Variants in NDST4 observed in about 807,000 individuals in gnomAD.
NDST4 encodes the protein N-heparan sulfate sulfotransferase 4.
A neutral mutation model predicts 100.8 loss-of-function variants in NDST4; 63 were observed. The ratio of observed to expected loss-of-function variants is 0.62; its 90% CI spans 0.51 to 0.77. The LOEUF is 0.77. NDST4 is among the 30% of genes least tolerant of loss of function. The probability of loss-of-function intolerance (pLI) is 0.00; values close to 1 mark genes in which losing one functional copy is unlikely to be tolerated. For missense variants in NDST4, 943 were observed against 1,018.4 expected (o/e 0.93, Z 1.01); for synonymous variants, 377 against 361.8 (o/e 1.04, Z -0.48).
intron 6 of NDST4, among the ~76,000 whole-genome samples, chr4:114,892,368 T>C (rs528790513): frequency 6.6e-6 from 1 of 152,284 alleles, no homozygotes; most frequent in South Asian, 2.1e-4. Flanking sequence ...ATATATACTG[T>C]GCATGCAGAA....
chr4:114,857,788 G>A (rs937685667), intron 7 of NDST4, among the ~76,000 whole-genome samples: 4 of 152,166 alleles, frequency 2.6e-5, no homozygotes, highest in African/African-American at 9.7e-5. Context: ...TGAATAAATG[G>A]CATAGGATGG....
intron 2 of NDST4, among the ~76,000 whole-genome samples, chr4:114,993,432 T>C (rs1727083686): frequency 6.6e-6 from 1 of 151,880 alleles, no homozygotes; most frequent in Admixed American, 6.6e-5. Flanking sequence ...GTTATAGAGG[T>C]AGTGCTGGGT....
At chr4:114,931,205 A>G (rs1388838040) in intron 6 of NDST4, among the ~76,000 whole-genome samples, 1 of 151,610 alleles carries the variant, frequency 6.6e-6, no homozygotes, top group Non-Finnish European at 1.5e-5. Context: ...ATGAGATATT[A>G]TATAATATTT....
At chr4:114,956,715 C>T (rs990103878) in intron 4 of NDST4, among the ~76,000 whole-genome samples, 4 of 151,996 alleles carry the variant, frequency 2.6e-5, no homozygotes, top group African/African-American at 4.8e-5. Context: ...TGACTATGTT[C>T]CCTATGAGGA....
At chr4:115,013,848 C>T (rs1727615286) in intron 2 of NDST4, among the ~76,000 whole-genome samples, 1 of 151,994 alleles carries the variant, frequency 6.6e-6, no homozygotes, top group Admixed American at 6.6e-5. Context: ...AGTAGTATAT[C>T]ATAAGCAATT....
At chr4:115,078,520 C>T (rs562606505) in intron 1 of NDST4, among the ~76,000 whole-genome samples, 1 of 152,176 alleles carries the variant, frequency 6.6e-6, no homozygotes, top group Admixed American at 6.5e-5. Flanking sequence ...TGTGCCCCTG[C>T]CCTGTGGATC....
chr4:115,108,120 G>T (rs1428352232), intron 1 of NDST4, among the ~76,000 whole-genome samples: 1 of 152,048 alleles, frequency 6.6e-6, no homozygotes, highest in Non-Finnish European at 1.5e-5. Flanking sequence ...TTTAAATTCT[G>T]ATTCTAATTA....
At chr4:115,020,083 TGAA>T (rs1560862601) in intron 2 of NDST4, among the ~76,000 whole-genome samples, 1 of 151,994 alleles carries the variant, frequency 6.6e-6, no homozygotes, top group African/African-American at 2.4e-5. Context: ...TAGAAGAATT[TGAA>T]GAAGTAACTT....
intron 2 of NDST4, among the ~76,000 whole-genome samples, chr4:115,007,499 A>T (rs1011107254): frequency 6.6e-6 from 1 of 152,174 alleles, no homozygotes; most frequent in Admixed American, 6.6e-5. Context: ...GTAATGATAC[A>T]TGTGGATTAA....
At chr4:115,031,087 CA>C (rs1160460939) in intron 2 of NDST4, among the ~76,000 whole-genome samples, 1 of 152,018 alleles carries the variant, frequency 6.6e-6, no homozygotes, top group African/African-American at 2.4e-5. Context: ...GTTTAATTTT[CA>C]GGGATTAAAA....
intron 6 of NDST4, among the ~76,000 whole-genome samples, chr4:114,906,034 G>A (rs551050790): frequency 2.0e-5 from 3 of 152,028 alleles, no homozygotes; most frequent in East Asian, 3.9e-4. Flanking sequence ...GTGGTGGAAC[G>A]GCAGCTTCAG....
rs146878084 is a variant in NDST4 at position 114,939,991 on chromosome 4, G to C, written c.1222-2488C>G. Reference sequence around the variant, plus strand: ...TTGTCCAGGGCTTAAAACCTACTTCGCAGAGACTTGGCCAACTAGAAAATC... The same window carrying C: ...TTGTCCAGGGCTTAAAACCTACTTCCCAGAGACTTGGCCAACTAGAAAATC... On this transcript the variant is annotated intron_variant, in intron 4 of 13. Coordinates refer to ENST00000264363, the MANE Select transcript of NDST4 (RefSeq NM_022569.3). 3.2e-4 allele frequency among the ~76,000 whole-genome samples: 48 copies of C among 152,116 alleles called. 1 individual carries two copies. In the East Asian group the frequency reaches 8.7e-3, roughly 28 times the overall value.
chr4:115,027,781 C>G (rs775962217), intron 2 of NDST4, among the ~76,000 whole-genome samples: 8 of 152,082 alleles, frequency 5.3e-5, no homozygotes, highest in Non-Finnish European at 1.5e-5. Flanking sequence ...CGGCCACGAG[C>G]TTTGTCTTAC....
At chr4:114,837,096 A>G (rs999171053) in intron 11 of NDST4, among the ~76,000 whole-genome samples, 2 of 151,980 alleles carry the variant, frequency 1.3e-5, no homozygotes, top group Non-Finnish European at 2.9e-5. Context: ...GTTATTATCC[A>G]CCTTCTGAAG....
intron 6 of NDST4, among the ~76,000 whole-genome samples, chr4:114,900,933 C>T (rs1050166371): frequency 6.6e-6 from 1 of 152,020 alleles, no homozygotes; most frequent in Non-Finnish European, 1.5e-5. Flanking sequence ...TGTTAATCTC[C>T]AAACATTTTG....
chr4:115,051,642 A>G (rs542490204), intron 2 of NDST4, among the ~76,000 whole-genome samples: 16 of 152,086 alleles, frequency 1.1e-4, no homozygotes, highest in African/African-American at 3.4e-4. Context: ...TATGTAGCAC[A>G]TTTTCTTTAA....
chr4:114,927,793 G>T (rs1018337590), intron 6 of NDST4, among the ~76,000 whole-genome samples: 1 of 152,042 alleles, frequency 6.6e-6, no homozygotes, highest in African/African-American at 2.4e-5. Flanking sequence ...TTAAAGTATA[G>T]ATGATTAATG....
chr4:114,854,725 C>T (rs1490997661), intron 7 of NDST4, among the ~76,000 whole-genome samples: 3 of 152,168 alleles, frequency 2.0e-5, no homozygotes, highest in African/African-American at 4.8e-5. Context: ...ACCTCAGCCT[C>T]CCAAAGTGCT....
At chr4:114,958,977 A>G (rs1726200554) in intron 4 of NDST4, among the ~76,000 whole-genome samples, 1 of 152,158 alleles carries the variant, frequency 6.6e-6, no homozygotes, top group South Asian at 2.1e-4. Context: ...TTCTTCCACC[A>G]GAGACCCTAA....
Sources: gnomAD v4.1 joint callset for allele counts (sites outside exome capture counted in the v4.1 genomes callset) on GRCh38, gnomAD v4.1.1 for gene constraint, MANE v1.5 for transcripts, NCBI Gene and HGNC (gene_info 2026-07-23, HGNC 2026-07-21) for gene names.